Variants in TMEM117 observed in about 807,000 individuals in gnomAD.
The protein encoded by TMEM117 is transmembrane protein 117.
Under a neutral mutation model 52.4 loss-of-function variants are expected in TMEM117, and 27 were observed. That is an observed-to-expected ratio of 0.51 (90% confidence interval 0.38 to 0.71). TMEM117 has a LOEUF of 0.71. Among genes scored for constraint, TMEM117 ranks in the 30% least tolerant of loss-of-function variants. The pLI, the probability that TMEM117 is intolerant of heterozygous loss-of-function variation, is 0.00. For missense variants in TMEM117, 556 were observed against 630.5 expected (o/e 0.88, Z 1.26); for synonymous variants, 215 against 206.3 (o/e 1.04, Z -0.36).
chr12:44,217,495 A>G (rs1949733632), intron 5 of TMEM117, among the ~76,000 whole-genome samples: 1 of 152,202 alleles, frequency 6.6e-6, no homozygotes, highest in African/African-American at 2.4e-5. Context: ...CCTGCTGTCC[A>G]GAGCTCCCTT....
chr12:44,212,915 A>G lies in TMEM117; in HGVS notation c.608+1528A>G, dbSNP rs1192011129. Among the ~76,000 whole-genome samples, 5 of 152,166 alleles carry G rather than the reference A, an allele frequency of 3.3e-5. No homozygotes were observed. In the East Asian group the frequency reaches 9.6e-4, roughly 29 times the overall value. ...TATCATTAAATGTTGCTGGAGATAT[A>G]GGACATGTTGAACTCAATTCTTAAC... On this transcript the variant is annotated intron_variant, in intron 5 of 7. Coordinates refer to ENST00000266534, the MANE Select transcript of TMEM117 (RefSeq NM_032256.3).
At chr12:44,344,599 G>C (rs1262941459) in intron 6 of TMEM117, among the ~76,000 whole-genome samples, 1 of 151,994 alleles carries the variant, frequency 6.6e-6, no homozygotes, top group Non-Finnish European at 1.5e-5. Context: ...GGTTGGTCTA[G>C]ATATTATTTG....
At chr12:44,317,456 G>T (rs148839204) in intron 6 of TMEM117, among the ~76,000 whole-genome samples, 4 of 151,896 alleles carry the variant, frequency 2.6e-5, no homozygotes, top group African/African-American at 9.7e-5. Context: ...TGCAAATGGC[G>T]CAATCTCAGC....
intron 7 of TMEM117, 37 bp downstream of exon 7, chr12:44,376,761 G>T (rs11182479): frequency 2.6e-6 from 4 of 1,563,122 alleles, no homozygotes; most frequent in Middle Eastern, 1.7e-4. Flanking sequence ...GATTATCTTC[G>T]TACATTAGTT....
At chr12:44,340,893 A>G (rs1343295401) in intron 6 of TMEM117, among the ~76,000 whole-genome samples, 1 of 152,062 alleles carries the variant, frequency 6.6e-6, no homozygotes, top group African/African-American at 2.4e-5. Context: ...GGTACCCATC[A>G]CCTGAATAAT....
chr12:44,193,341 C>T lies in TMEM117; in HGVS notation c.511-17949C>T, dbSNP rs148928106. Among the ~76,000 whole-genome samples, 1,144 of 152,278 alleles carry T rather than the reference C, an allele frequency of 7.5e-3. 21 individuals are homozygous for T. Among genetic ancestry groups the T allele is most frequent in the African/African-American group, 0.027 (1,113 of 41,558 alleles). On this transcript the variant is annotated intron_variant, in intron 4 of 7. Coordinates refer to ENST00000266534, the MANE Select transcript of TMEM117 (RefSeq NM_032256.3). The stretch of plus-strand genomic sequence containing the variant: ...TAAAACAGACGGATAAGTAAAACAG[C>T]AATCTTTTCAAAACCATGGTCTTTT...
At chr12:44,198,836 C>T (rs1949454857) in intron 4 of TMEM117, among the ~76,000 whole-genome samples, 1 of 151,960 alleles carries the variant, frequency 6.6e-6, no homozygotes. Flanking sequence ...TCTCAAGTGT[C>T]AGGCAGAAAG....
chr12:43,904,278 G>C (rs970974286), intron 2 of TMEM117, among the ~76,000 whole-genome samples: 1 of 152,112 alleles, frequency 6.6e-6, no homozygotes, highest in Non-Finnish European at 1.5e-5. Context: ...GTAGGCTGAT[G>C]GGGGAGGATA....
intron 3 of TMEM117, among the ~76,000 whole-genome samples, chr12:43,959,640 G>A (rs1945369825): frequency 6.6e-6 from 1 of 152,142 alleles, no homozygotes; most frequent in East Asian, 1.9e-4. Context: ...CAAGTAATAA[G>A]GTGGTCAGCC....
chr12:43,875,798 G>T (rs1042594733), intron 2 of TMEM117, among the ~76,000 whole-genome samples: 7 of 152,068 alleles, frequency 4.6e-5, no homozygotes, highest in African/African-American at 1.7e-4. Context: ...AGAAATCAGA[G>T]GCTACTTTAC....
intron 3 of TMEM117, among the ~76,000 whole-genome samples, chr12:44,119,630 C>T (rs1948201021): frequency 6.6e-6 from 1 of 152,150 alleles, no homozygotes; most frequent in African/African-American, 2.4e-5. Context: ...GTGACTCACA[C>T]CCCAGATCGT....
chr12:44,146,751 A>G (rs2138209234), intron 4 of TMEM117, among the ~76,000 whole-genome samples: 1 of 152,304 alleles, frequency 6.6e-6, no homozygotes, highest in Middle Eastern at 3.4e-3. Context: ...TCATCTGTCT[A>G]TAGGATTCTC....
At chr12:44,174,211 T>C (rs1949087135) in intron 4 of TMEM117, among the ~76,000 whole-genome samples, 3 of 152,234 alleles carry the variant, frequency 2.0e-5, no homozygotes. Flanking sequence ...GGACATTTAA[T>C]GAAGAGATCA....
At chr12:43,901,925 G>T (rs1390938850) in intron 2 of TMEM117, among the ~76,000 whole-genome samples, 1 of 152,058 alleles carries the variant, frequency 6.6e-6, no homozygotes, top group Non-Finnish European at 1.5e-5. Context: ...TTTACATTTT[G>T]TGGTCTATTC....
intron 4 of TMEM117, among the ~76,000 whole-genome samples, chr12:44,189,588 C>T (rs540632367): frequency 6.6e-6 from 1 of 152,182 alleles, no homozygotes; most frequent in South Asian, 2.1e-4. Flanking sequence ...TAAACTTTTG[C>T]CTTGTGTCTC....
Position 44,042,708 on chromosome 12 carries a change from G to T in TMEM117, c.410+98366G>T, listed in dbSNP as rs80084534. ...ACTGGCTCTCCTTGCTCTTCAACTTGTAGACAGCCTATTGTGGGACCTTGT... is the reference window on the plus strand; with the variant it reads ...ACTGGCTCTCCTTGCTCTTCAACTTTTAGACAGCCTATTGTGGGACCTTGT... On this transcript the variant is annotated intron_variant, in intron 3 of 7. Coordinates refer to ENST00000266534, the MANE Select transcript of TMEM117 (RefSeq NM_032256.3). 9.3e-3 allele frequency among the ~76,000 whole-genome samples: 1,387 copies of T among 149,730 alleles called. 24 individuals are homozygous for T. Among genetic ancestry groups the T allele is most frequent in the African/African-American group, 0.032 (1,307 of 40,692 alleles).
the TMEM117 span, chr12:43,802,191 A>G: frequency 2.3e-5 from 18 of 786,378 alleles, no homozygotes; most frequent in Non-Finnish European, 3.2e-5. Flanking sequence ...TTCTATGGGA[A>G]ATAATTATTG....
At chr12:44,107,998 T>A (rs1343219912) in intron 3 of TMEM117, among the ~76,000 whole-genome samples, 1 of 152,134 alleles carries the variant, frequency 6.6e-6, no homozygotes, top group Non-Finnish European at 1.5e-5. Flanking sequence ...GTTTGTTTAT[T>A]TTCATCTGTA....
intron 5 of TMEM117, among the ~76,000 whole-genome samples, chr12:44,237,252 T>C (rs575299802): frequency 2.6e-5 from 4 of 152,228 alleles, no homozygotes; most frequent in Admixed American, 6.5e-5. Context: ...TCTTATTCTT[T>C]GAGATGTGAC....
Sources: gnomAD v4.1 joint callset for allele counts (sites outside exome capture counted in the v4.1 genomes callset) on GRCh38, gnomAD v4.1.1 for gene constraint, MANE v1.5 for transcripts, NCBI Gene and HGNC (gene_info 2026-07-23, HGNC 2026-07-21) for gene names.